The following TSNARE1 variants were observed in gnomAD, a reference collection of about 807,000 sequenced individuals.
TSNARE1 encodes t-SNARE domain containing 1, also known as t-SNARE domain-containing protein 1.
Under a neutral mutation model 62.0 loss-of-function variants are expected in TSNARE1, and 49 were observed. The observed-to-expected ratio is 0.79, with a 90% CI of 0.63 to 1.00. The LOEUF (loss-of-function observed/expected upper bound fraction) is 1.00. Ranked by LOEUF, TSNARE1 falls within the 50% of genes least tolerant of loss-of-function variation. TSNARE1 has a pLI of 0.00. For synonymous variants in TSNARE1, 328 were observed against 294.4 expected, an observed-to-expected ratio of 1.11 and a Z score of -1.17; for missense variants, 755 against 700.1, an observed-to-expected ratio of 1.08 and a Z score of -0.88.
intron 1 of TSNARE1, among the ~76,000 whole-genome samples, chr8:142,361,759 A>T (rs962271626): frequency 1.3e-5 from 2 of 152,290 alleles, no homozygotes; most frequent in African/African-American, 4.8e-5. Context: ...CTCCACAGGC[A>T]AGGCCGGAAA....
At chr8:142,362,148 A>T (rs1436881716) in intron 1 of TSNARE1, among the ~76,000 whole-genome samples, 1 of 152,184 alleles carries the variant, frequency 6.6e-6, no homozygotes, top group Non-Finnish European at 1.5e-5. Context: ...CAGCCTCTCC[A>T]CAGGCAGGAA....
chr8:142,261,682 G>T (rs1027629952), intron 12 of TSNARE1, among the ~76,000 whole-genome samples: 1 of 152,076 alleles, frequency 6.6e-6, no homozygotes, highest in African/African-American at 2.4e-5. Flanking sequence ...GGGTGCAGGG[G>T]GTTATTATTC....
At chr8:142,303,952 G>A (rs953878935) in intron 9 of TSNARE1, among the ~76,000 whole-genome samples, 1 of 152,222 alleles carries the variant, frequency 6.6e-6, no homozygotes, top group Non-Finnish European at 1.5e-5. Flanking sequence ...CCTCGGCAGG[G>A]GCACGGCCAC....
In TSNARE1 at chr8:142,319,776, AGAG is replaced by A. The variant is rs1184056017; in HGVS notation, c.894-1145_894-1143del. Among the ~76,000 whole-genome samples, 1 of 152,082 alleles carries A rather than the reference AGAG, an allele frequency of 6.6e-6. No individual in the cohort carries two copies. Among genetic ancestry groups the A allele is most frequent in the Non-Finnish European group, 1.5e-5 (1 of 67,998 alleles). The stretch of plus-strand genomic sequence containing the variant: ...TGGGCGGGCAGAGCCTGTGGCACAC[AGAG>A]GAGTAAGACTGCCCCCCCAGAACAG... On this transcript the variant is annotated intron_variant, in intron 6 of 13. Coordinates refer to ENST00000524325, the MANE Select transcript of TSNARE1 (RefSeq NM_145003.5). This position sits in a 1 kb window ranked among gnomAD's most constrained non-coding sequence, Gnocchi z 4.9.
intron 1 of TSNARE1, among the ~76,000 whole-genome samples, chr8:142,399,603 C>T (rs564230774): frequency 1.3e-5 from 2 of 152,264 alleles, no homozygotes; most frequent in South Asian, 4.1e-4. Context: ...GGGACAGCGC[C>T]GGCCATGAGC....
intron 12 of TSNARE1, chr8:142,273,577 G>A (rs923483773): frequency 1.0e-6 from 1 of 985,258 alleles, no homozygotes; most frequent in African/African-American, 1.7e-5. Flanking sequence ...TCCCGGCCTG[G>A]CGTTCACCAG....
chr8:142,216,872 C>T (rs1397847401), intron 13 of TSNARE1, among the ~76,000 whole-genome samples: 1 of 152,178 alleles, frequency 6.6e-6, no homozygotes, highest in Non-Finnish European at 1.5e-5. Context: ...CACCAGACAG[C>T]AGGGGAACCG....
chr8:142,401,503 G>A (rs929743598), intron 1 of TSNARE1, among the ~76,000 whole-genome samples: 2 of 152,196 alleles, frequency 1.3e-5, no homozygotes, highest in Admixed American at 6.5e-5. Flanking sequence ...ACCTCGCTCT[G>A]CAGGCCATGA....
intron 9 of TSNARE1, among the ~76,000 whole-genome samples, chr8:142,309,062 TTATTA>T (rs1411995495): frequency 5.9e-5 from 9 of 152,280 alleles, no homozygotes; most frequent in African/African-American, 1.9e-4. Context: ...TGTAATAAAT[TTATTA>T]TATCAGTCTT....
intron 1 of TSNARE1, among the ~76,000 whole-genome samples, chr8:142,380,108 G>A (rs1488056066): frequency 6.6e-6 from 1 of 152,198 alleles, no homozygotes; most frequent in African/African-American, 2.4e-5. Flanking sequence ...TGGACACCAA[G>A]GCCAAGCTTT....
At chr8:142,254,427 G>C (rs1226756452) in intron 12 of TSNARE1, among the ~76,000 whole-genome samples, 1 of 152,210 alleles carries the variant, frequency 6.6e-6, no homozygotes, top group Non-Finnish European at 1.5e-5. Flanking sequence ...ACCACCTGGA[G>C]CCTGCAGATG....
Position 142,344,416 on chromosome 8 carries a change from T to TG in TSNARE1, c.294dup (p.Ile99HisfsTer192). The stretch of plus-strand genomic sequence containing the variant: ...GCAGCCGAGTCCTTCCTCGGGCCAA[T>TG]GGTGGGTGATGAGGTGGGCTCCGGC... On this transcript the variant is annotated frameshift_variant, in exon 4 of 14. Transcript: ENST00000524325. LOFTEE classifies it high-confidence loss of function. 6.3e-7 allele frequency: 1 copy of TG among 1,588,472 alleles called. No individual in the cohort carries two copies. The highest frequency in any genetic ancestry group is 2.3e-5 in the East Asian group (1 of 43,848).
At chr8:142,238,072 T>A (rs1817520170) in intron 12 of TSNARE1, among the ~76,000 whole-genome samples, 1 of 152,024 alleles carries the variant, frequency 6.6e-6, no homozygotes, top group Non-Finnish European at 1.5e-5. Context: ...CTTCACCTAA[T>A]GCTGTGACTG....
intron 10 of TSNARE1, among the ~76,000 whole-genome samples, chr8:142,285,395 G>C (rs1222033160): frequency 6.8e-6 from 1 of 146,978 alleles, no homozygotes; most frequent in Non-Finnish European, 1.5e-5. Flanking sequence ...TGAATGGATG[G>C]ATGGGTGGGT....
At chr8:142,330,830 C>T (rs1191102645) in intron 6 of TSNARE1, 71 bp downstream of exon 6, 11 of 1,522,696 alleles carry the variant, frequency 7.2e-6, no homozygotes, top group South Asian at 1.1e-5. Context: ...CACAGGAGGA[C>T]CACACTCCCG....
intron 2 of TSNARE1, among the ~76,000 whole-genome samples, chr8:142,348,846 C>T (rs1259294773): frequency 6.6e-6 from 1 of 152,128 alleles, no homozygotes; most frequent in Non-Finnish European, 1.5e-5. Context: ...GTTGACGACT[C>T]ACTAGCTGGC....
At position 142,270,481 on chromosome 8, in the gene TSNARE1, CATATATATAT is replaced by C. The variant is rs67801065; in HGVS notation, c.1446+4290_1446+4299del. ...CATACAGTACCAAGTAATATATAGG[CATATATATAT>C]ATATATATATATTTATGTATTTATA... On this transcript the variant is annotated intron_variant, in intron 12 of 13. Transcript: ENST00000524325. 1.4e-4 allele frequency: 113 copies of C among 819,230 alleles called. 2 individuals carry two copies. The highest frequency in any genetic ancestry group is 6.5e-4 in the Middle Eastern group (1 of 1,548). 50.7% of individuals were successfully genotyped at this position (819,230 alleles called of 1,614,324 possible). A position where few individuals can be genotyped will look rare whatever the true frequency, so the allele number is the denominator to read the frequency against.
intron 1 of TSNARE1, among the ~76,000 whole-genome samples, chr8:142,369,451 A>T (rs904795725): frequency 2.0e-5 from 3 of 152,230 alleles, no homozygotes; most frequent in African/African-American, 7.2e-5. Flanking sequence ...ATCAAAAAGT[A>T]CAAGACACAC....
intron 13 of TSNARE1, among the ~76,000 whole-genome samples, chr8:142,216,508 C>G (rs1187421474): frequency 6.6e-6 from 1 of 152,218 alleles, no homozygotes; most frequent in Non-Finnish European, 1.5e-5. Context: ...TGGAAATTGG[C>G]TCTCAGGGAG....
Sources: allele counts gnomAD v4.1 joint callset (sites outside exome capture counted in the v4.1 genomes callset), GRCh38; gene constraint gnomAD v4.1.1; non-coding constraint Gnocchi (gnomAD v3.1); transcripts MANE v1.5; gene names NCBI Gene and HGNC (gene_info 2026-07-23, HGNC 2026-07-21).